The following FHOD3 variants were observed in gnomAD, a reference collection of about 807,000 sequenced individuals.
FHOD3 encodes FH1/FH2 domain-containing protein 3.
In FHOD3, 90 loss-of-function variants were observed where a neutral mutation model predicts 173.0. The observed-to-expected ratio is 0.52, with a 90% CI of 0.44 to 0.62. The LOEUF is 0.62. Ranked by LOEUF, FHOD3 falls within the 20% of genes least tolerant of loss-of-function variation. The pLI, the probability that FHOD3 is intolerant of heterozygous loss-of-function variation, is 0.00. For synonymous variants in FHOD3, 828 were observed against 823.0 expected (o/e 1.01, Z -0.10); for missense variants, 1,945 against 2,034.7 (o/e 0.96, Z 0.85).
chr18:36,432,654 A>G (rs1346925743), intron 3 of FHOD3, among the ~76,000 whole-genome samples: 2 of 152,196 alleles, frequency 1.3e-5, no homozygotes, highest in South Asian at 2.1e-4. Context: ...GAAGCAGGCA[A>G]GCAGGACCAA....
At chr18:36,581,154 TA>T (rs2058836651) in intron 6 of FHOD3, among the ~76,000 whole-genome samples, 1 of 152,244 alleles carries the variant, frequency 6.6e-6, no homozygotes, top group Non-Finnish European at 1.5e-5. Context: ...GTGTTTTCAA[TA>T]AAGTGTTTCT....
chr18:36,469,448 C>T lies in FHOD3; in HGVS notation c.338-32484C>T, dbSNP rs549317078. On this transcript the variant is annotated intron_variant, in intron 3 of 28. Coordinates refer to ENST00000590592, the MANE Select transcript of FHOD3 (RefSeq NM_001281740.3). ...GGGAGGTGGGGTGGGGGCTGCAGAG[C>T]ATTTGTTGCTCCCCTGATCCCATGT... 2.6e-5 allele frequency among the ~76,000 whole-genome samples: 3 copies of T among 115,292 alleles called. No homozygotes were observed. In the East Asian group the frequency reaches 6.8e-4, roughly 26 times the overall value. The allele number at this position is 115,292 out of a possible 152,430, so 75.6% of individuals were successfully genotyped here.
intron 19 of FHOD3, among the ~76,000 whole-genome samples, chr18:36,724,745 T>C (rs998965638): frequency 6.6e-6 from 1 of 152,132 alleles, no homozygotes; most frequent in African/African-American, 2.4e-5. Context: ...CAAAAACAAA[T>C]AAAAGCCTTA....
chr18:36,422,905 A>T (rs1462656786), intron 3 of FHOD3, among the ~76,000 whole-genome samples: 1 of 152,152 alleles, frequency 6.6e-6, no homozygotes, highest in African/African-American at 2.4e-5. Flanking sequence ...TGAGCAGAAA[A>T]GTGTTAACAT....
intron 7 of FHOD3, among the ~76,000 whole-genome samples, chr18:36,600,705 A>G (rs545012389): frequency 1.6e-4 from 25 of 152,296 alleles, no homozygotes; most frequent in Non-Finnish European, 2.5e-4. Flanking sequence ...GGGAGTACCA[A>G]TGTAGTCTGG....
At chr18:36,642,159 G>A (rs1322671938) in intron 10 of FHOD3, among the ~76,000 whole-genome samples, 2 of 152,072 alleles carry the variant, frequency 1.3e-5, no homozygotes, top group Non-Finnish European at 2.9e-5. Context: ...TGGGAGGAAC[G>A]AGAGGAAGAG....
At chr18:36,723,064 C>T (rs1390983906) in intron 19 of FHOD3, among the ~76,000 whole-genome samples, 1 of 152,090 alleles carries the variant, frequency 6.6e-6, no homozygotes, top group Non-Finnish European at 1.5e-5. Context: ...TGTGGTGAAT[C>T]GTATAGGAGA....
intron 1 of FHOD3, among the ~76,000 whole-genome samples, chr18:36,351,360 G>A: frequency 6.6e-6 from 1 of 152,156 alleles, no homozygotes; most frequent in East Asian, 1.9e-4. Flanking sequence ...TATCCTGGAG[G>A]GGGGACTCGG....
chr18:36,596,656 G>T (rs12963930), intron 7 of FHOD3, among the ~76,000 whole-genome samples: 1 of 152,000 alleles, frequency 6.6e-6, no homozygotes, highest in African/African-American at 2.4e-5. Flanking sequence ...TCGGCACTAG[G>T]CATGGCTGAT....
At chr18:36,588,217 C>T (rs775059489) in intron 6 of FHOD3, among the ~76,000 whole-genome samples, 1 of 152,172 alleles carries the variant, frequency 6.6e-6, no homozygotes, top group South Asian at 2.1e-4. Context: ...GTTTGATAAC[C>T]AGTTACGAAG....
intron 1 of FHOD3, among the ~76,000 whole-genome samples, chr18:36,352,821 G>A (rs536169085): frequency 3.8e-4 from 58 of 152,328 alleles, no homozygotes; most frequent in African/African-American, 1.1e-3. Context: ...ACTATCAGCT[G>A]AACACACTAA....
chr18:36,654,343 T>C (rs144752048), intron 13 of FHOD3, among the ~76,000 whole-genome samples: 121 of 152,364 alleles, frequency 7.9e-4, no homozygotes, highest in African/African-American at 2.8e-3. Flanking sequence ...CAATTTTTGC[T>C]TACTATATCT....
At chr18:36,719,846 G>A (rs1223275359) in intron 19 of FHOD3, among the ~76,000 whole-genome samples, 1 of 152,166 alleles carries the variant, frequency 6.6e-6, no homozygotes, top group Admixed American at 6.5e-5. Context: ...ATGTTGACAG[G>A]CCAGCCAGGG....
chr18:36,304,123 CA>C (rs1263061617), intron 1 of FHOD3, among the ~76,000 whole-genome samples: 3 of 152,122 alleles, frequency 2.0e-5, no homozygotes, highest in African/African-American at 7.2e-5. Flanking sequence ...GATTCAAATA[CA>C]TTATAAAATA....
chr18:36,516,205 A>G (rs572653420), intron 5 of FHOD3, among the ~76,000 whole-genome samples: 2 of 151,918 alleles, frequency 1.3e-5, no homozygotes, highest in East Asian at 1.9e-4. Context: ...TTGTCCACCC[A>G]TGTTTTAACT....
chr18:36,774,976 G>A (rs755585303), intron 28 of FHOD3, among the ~76,000 whole-genome samples: 2 of 152,160 alleles, frequency 1.3e-5, no homozygotes, highest in Non-Finnish European at 2.9e-5. Context: ...ATAATGGACA[G>A]GATTTTATGT....
intron 6 of FHOD3, among the ~76,000 whole-genome samples, chr18:36,590,107 CCTT>C (rs1435528600): frequency 8.5e-5 from 13 of 152,198 alleles, no homozygotes; most frequent in Admixed American, 8.5e-4. Context: ...GCCTGCCTCT[CCTT>C]CTCCGTCATT....
Position 36,574,505 on chromosome 18 carries a change from C to T in FHOD3, c.512-1946C>T, listed in dbSNP as rs1599715952. Among the ~76,000 whole-genome samples, 3 of 151,864 alleles carry T rather than the reference C, an allele frequency of 2.0e-5. No individual in the cohort carries two copies. In the South Asian group the frequency reaches 6.2e-4, roughly 32 times the overall value. On this transcript the variant is annotated intron_variant, in intron 5 of 28. Coordinates refer to ENST00000590592, the MANE Select transcript of FHOD3 (RefSeq NM_001281740.3). ...CTTTAACATATTTGTTGTCATAGAT[C>T]CACTTATCTAGTATAATTTTATATC...
chr18:36,721,772 T>A (rs77211440), intron 19 of FHOD3, among the ~76,000 whole-genome samples: 3,630 of 152,320 alleles, frequency 0.024, 142 homozygotes, highest in African/African-American at 0.082. Context: ...TTTTCATAAA[T>A]CAAAATGTAA....
Sources: allele counts gnomAD v4.1 joint callset (sites outside exome capture counted in the v4.1 genomes callset), GRCh38; gene constraint gnomAD v4.1.1; transcripts MANE v1.5; gene names NCBI Gene and HGNC (gene_info 2026-07-23, HGNC 2026-07-21).